MAP3K13: variants seen among roughly 807,000 people sequenced by gnomAD.
MAP3K13 encodes the protein mitogen-activated protein kinase kinase kinase 13, also known as leucine zipper-bearing kinase.
Under a neutral mutation model 104.0 loss-of-function variants are expected in MAP3K13, and 52 were observed. The observed-to-expected ratio is 0.50, with a 90% confidence interval of 0.40 to 0.63. The LOEUF is 0.63. Ranked by LOEUF, MAP3K13 falls within the 20% of genes least tolerant of loss-of-function variation. The pLI is 0.00. For missense variants in MAP3K13, 914 were observed against 1,218.5 expected (o/e 0.75, Z 3.72); for synonymous variants, 394 against 442.2 (o/e 0.89, Z 1.37).
chr3:185,427,170 T>C (rs1309982221), intron 1 of MAP3K13, among the ~76,000 whole-genome samples: 1 of 147,612 alleles, frequency 6.8e-6, no homozygotes, highest in Non-Finnish European at 1.5e-5. Context: ...CTGGCCAACA[T>C]AGTGAAATCC....
intron 2 of MAP3K13, among the ~76,000 whole-genome samples, chr3:185,355,282 C>A (rs1723303443): frequency 6.6e-6 from 1 of 152,072 alleles, no homozygotes; most frequent in African/African-American, 2.4e-5. Flanking sequence ...GACTGGCCAA[C>A]ATGGCGAAAA....
chr3:185,415,577 C>CTTT (rs869297992), intron 1 of MAP3K13, among the ~76,000 whole-genome samples: 89 of 72,990 alleles, frequency 1.2e-3, no homozygotes, highest in Middle Eastern at 8.8e-3. Context: ...GGGTTAATTT[C>CTTT]TTTTTTTTTT....
intron 2 of MAP3K13, among the ~76,000 whole-genome samples, chr3:185,430,532 G>T (rs975903543): frequency 6.6e-6 from 1 of 152,028 alleles, no homozygotes; most frequent in African/African-American, 2.4e-5. Flanking sequence ...GCTCCTGCTT[G>T]TAAGTGAGAA....
chr3:185,326,425 A>G (rs1722041723), intron 2 of MAP3K13, among the ~76,000 whole-genome samples: 1 of 152,080 alleles, frequency 6.6e-6, no homozygotes, highest in Non-Finnish European at 1.5e-5. Flanking sequence ...ATTGATCCAG[A>G]CACGAATCTT....
At position 185,447,957 on chromosome 3, in the gene MAP3K13, G is replaced by A. The variant is rs780203229; in HGVS notation, c.1010+10G>A. 11 of 1,596,560 alleles carry A rather than the reference G, an allele frequency of 6.9e-6. No homozygotes were observed. Among genetic ancestry groups the A allele is most frequent in the East Asian group, 4.5e-5 (2 of 44,524 alleles). On this transcript the variant is annotated intron_variant, in intron 5 of 13. Coordinates refer to ENST00000265026, the MANE Select transcript of MAP3K13 (RefSeq NM_004721.5). ...AAAAAGTTGATATATGGTGAGTGGC[G>A]CCACCAGTTGTGCCAACTAAAAAGC...
intron 2 of MAP3K13, among the ~76,000 whole-genome samples, chr3:185,354,118 G>T (rs1021729880): frequency 7.9e-5 from 12 of 151,992 alleles, no homozygotes; most frequent in Non-Finnish European, 1.6e-4. Flanking sequence ...AGGAAGAGCG[G>T]CTCTTGGCCT....
rs145928770 is a variant in MAP3K13, at chr3:185,430,102, A to C, written c.475+1046A>C. ...GTAGTCCCAGCTATTTGGGAGGCTG[A>C]GGCACAAGAATTGCTTAAACCCAGC... On this transcript the variant is annotated intron_variant, in intron 2 of 13. Coordinates refer to ENST00000265026, the MANE Select transcript of MAP3K13 (RefSeq NM_004721.5). 3.3e-5 allele frequency among the ~76,000 whole-genome samples: 5 copies of C among 152,262 alleles called. No individual in the cohort carries two copies. The East Asian group carries it at 9.6e-4, about 29-fold the overall frequency.
chr3:185,344,793 A>G (rs1401545305), intron 2 of MAP3K13, among the ~76,000 whole-genome samples: 1 of 152,010 alleles, frequency 6.6e-6, no homozygotes, highest in Non-Finnish European at 1.5e-5. Context: ...AGAATCCCAA[A>G]TCTGTCACCT....
chr3:185,313,400 G>T (rs1395048753), intron 2 of MAP3K13, among the ~76,000 whole-genome samples: 3 of 151,172 alleles, frequency 2.0e-5, no homozygotes, highest in Admixed American at 2.0e-4. Flanking sequence ...CTTCTGAGTA[G>T]CTGGGACTAC....
chr3:185,459,893 G>A (rs1213470407), intron 7 of MAP3K13, among the ~76,000 whole-genome samples: 1 of 151,948 alleles, frequency 6.6e-6, no homozygotes, highest in Non-Finnish European at 1.5e-5. Flanking sequence ...ACCACCCCCG[G>A]TAATCTCTAT....
intron 2 of MAP3K13, among the ~76,000 whole-genome samples, chr3:185,306,113 A>T (rs576399404): frequency 3.9e-5 from 6 of 152,298 alleles, no homozygotes; most frequent in Admixed American, 1.3e-4. Context: ...ACATGATTTC[A>T]TCCTTTTTTT....
intron 1 of MAP3K13, among the ~76,000 whole-genome samples, chr3:185,403,812 T>C (rs1712953851): frequency 6.6e-6 from 1 of 152,200 alleles, no homozygotes; most frequent in Non-Finnish European, 1.5e-5. Context: ...ATAGATAATA[T>C]AGAAGCTGTA....
At chr3:185,476,952 T>C (rs1166704205) in intron 11 of MAP3K13, 1 of 358,482 alleles carries the variant, frequency 2.8e-6, no homozygotes, top group Non-Finnish European at 5.4e-6. Flanking sequence ...ATCAATTCTA[T>C]AACAGAGCCT....
intron 1 of MAP3K13, among the ~76,000 whole-genome samples, chr3:185,382,223 C>CTAG (rs1553796680): frequency 8.6e-5 from 13 of 151,738 alleles, no homozygotes; most frequent in African/African-American, 2.9e-4. Flanking sequence ...GCAACAATAA[C>CTAG]TAATAACATA....
intron 2 of MAP3K13, among the ~76,000 whole-genome samples, chr3:185,333,688 G>A (rs1303873504): frequency 6.6e-6 from 1 of 150,578 alleles, no homozygotes; most frequent in African/African-American, 2.5e-5. Context: ...GAGGCCAGGA[G>A]TTAAAGACCA....
chr3:185,313,745 AAG>A (rs1553787250), intron 2 of MAP3K13, among the ~76,000 whole-genome samples: 1 of 151,602 alleles, frequency 6.6e-6, no homozygotes, highest in African/African-American at 2.4e-5. Context: ...GAAAAAAAAA[AAG>A]AAGGGTGAAT....
chr3:185,298,912 T>C (rs996907483), intron 2 of MAP3K13, among the ~76,000 whole-genome samples: 2 of 152,238 alleles, frequency 1.3e-5, no homozygotes, highest in African/African-American at 2.4e-5. Flanking sequence ...TGTAATGACA[T>C]GTTTGGAAAA....
At chr3:185,330,787 C>G (rs532157956) in intron 2 of MAP3K13, among the ~76,000 whole-genome samples, 1 of 152,272 alleles carries the variant, frequency 6.6e-6, no homozygotes, top group East Asian at 1.9e-4. Context: ...TGCTCGTGCC[C>G]TACAAACCAG....
chr3:185,469,230 A>G (rs1160128953), intron 10 of MAP3K13, among the ~76,000 whole-genome samples: 1 of 152,234 alleles, frequency 6.6e-6, no homozygotes, highest in Non-Finnish European at 1.5e-5. Flanking sequence ...GAGACTAAAA[A>G]GAGTGTCAAG....
Sources: gnomAD v4.1 joint callset for allele counts (sites outside exome capture counted in the v4.1 genomes callset) on GRCh38, gnomAD v4.1.1 for gene constraint, MANE v1.5 for transcripts, NCBI Gene and HGNC (gene_info 2026-07-23, HGNC 2026-07-21) for gene names.